Variants in SLC6A12 observed in about 807,000 individuals in gnomAD.
SLC6A12 encodes solute carrier family 6 member 12.
Under a neutral mutation model 73.3 loss-of-function variants are expected in SLC6A12, and 50 were observed. That is an observed-to-expected ratio of 0.68 (90% CI 0.54 to 0.86). The LOEUF (loss-of-function observed/expected upper bound fraction) is 0.86. Ranked by LOEUF, SLC6A12 falls within the 40% of genes least tolerant of loss-of-function variation. The probability of loss-of-function intolerance (pLI) is 0.00; values close to 1 mark genes in which losing one functional copy is unlikely to be tolerated. For missense variants in SLC6A12, 648 were observed against 772.8 expected, an observed-to-expected ratio of 0.84 and a Z score of 1.92; for synonymous variants, 304 against 309.2, an observed-to-expected ratio of 0.98 and a Z score of 0.18.
rs1334478756 is a variant in SLC6A12 at position 192,593 on chromosome 12, T to C, written c.1586A>G (p.Tyr529Cys). 4 of 1,613,938 alleles carry C rather than the reference T, an allele frequency of 2.5e-6. No homozygotes were observed. Among genetic ancestry groups the C allele is most frequent in the Admixed American group, 1.7e-5 (1 of 60,006 alleles). Residue 529 changes from tyrosine (Y) to cysteine (C), a missense_variant, in exon 15 of 16, where the codon TAT becomes TGT. Coordinates refer to ENST00000684302, the MANE Select transcript of SLC6A12 (RefSeq NM_001122848.3). Reference sequence around the variant, plus strand: ...GGAGTATCCCCAGGGCGGGTACACATAGACGTTGTTGTACTTGAGGGGGGT... The same window carrying C: ...GGAGTATCCCCAGGGCGGGTACACACAGACGTTGTTGTACTTGAGGGGGGT... ...KYTPLKYNNV[Y>C]VYPPWGYSIG...
rs1017845864 is a variant in SLC6A12 at position 198,812 on chromosome 12, G to T, written c.831C>A (p.Arg277=). Residue 277 remains arginine (R), a synonymous_variant, in exon 8 of 16, where the codon CGC becomes CGA. Coordinates refer to ENST00000684302, the MANE Select transcript of SLC6A12 (RefSeq NM_001122848.3). The surrounding 1 kb of genome is among the most constrained non-coding windows in gnomAD (Gnocchi z 4.0). ...IIYYLKPDLF[R]LKDPQVWMDA... ...CGGTACATACCTGAGGGTCCTTGAG[G>T]CGGAACAAATCTGGCTTCAAGTAGT... 1 of 1,614,226 alleles carries T rather than the reference G, an allele frequency of 6.2e-7. No homozygotes were observed. Among genetic ancestry groups the T allele is most frequent in the Non-Finnish European group, 8.5e-7 (1 of 1,180,038 alleles).
chr12:193,757 A>G (rs940800416), intron 13 of SLC6A12, among the ~76,000 whole-genome samples: 1 of 152,250 alleles, frequency 6.6e-6, no homozygotes, highest in Admixed American at 6.5e-5. Context: ...AAGCCAAAAC[A>G]GCAAAACAAC....
chr12:187,324 G>A (rs1939448627), downstream of SLC6A12, among the ~76,000 whole-genome samples: 1 of 152,012 alleles, frequency 6.6e-6, no homozygotes, highest in African/African-American at 2.4e-5. Flanking sequence ...TCCGGAGTTT[G>A]TTCCTTCTAA....
chr12:195,443 C>T (rs1413434808), intron 12 of SLC6A12, 116 bp from the exon 13 acceptor site: 5 of 691,468 alleles, frequency 7.2e-6, no homozygotes, highest in Non-Finnish European at 1.3e-5. Flanking sequence ...CTGTGGGATG[C>T]CATTCCTTGC....
At chr12:210,228 G>T in intron 2 of SLC6A12, 185 bp from the exon 3 acceptor site, 1 of 1,152,264 alleles carries the variant, frequency 8.7e-7, no homozygotes, top group Non-Finnish European at 1.2e-6. Context: ...GTTTGCAGAT[G>T]AGGAAATCCA....
chr12:209,890 C>G lies in SLC6A12; in HGVS notation c.97G>C (p.Val33Leu). The G allele has an allele frequency of 1.2e-6, 2 of 1,614,226 alleles. No homozygotes were observed. The highest frequency in any genetic ancestry group is 1.7e-6 in the Non-Finnish European group (2 of 1,180,042). ...TTGGTCCATTGGCCCCGATCCTTCA[C>G]CTGGTCCTCGTCTTCCTGGTCCAAC... ...EKLDQEDEDQ[V>L]KDRGQWTNKM... The change falls in exon 3 of 16, where the codon GTG (valine) becomes CTG (leucine). Residue 33 changes from valine to leucine, a missense_variant. Transcript: ENST00000684302.
intron 6 of SLC6A12, 63 bp downstream of exon 6, chr12:201,699 G>C: frequency 4.5e-6 from 6 of 1,320,302 alleles, no homozygotes; most frequent in Non-Finnish European, 6.6e-6. Context: ...CAGACATTCA[G>C]ACTTGCACAG....
intron 13 of SLC6A12, 44 bp from the exon 14 acceptor site, chr12:193,421 G>T: frequency 6.9e-7 from 1 of 1,449,036 alleles, no homozygotes; most frequent in East Asian, 2.3e-5. Flanking sequence ...CAGAGGGTGA[G>T]AACAGCTTCC....
At position 202,895 on chromosome 12, in the gene SLC6A12, G is replaced by A. The variant is rs755802072; in HGVS notation, c.350-15C>T. On this transcript the variant is annotated splice_polypyrimidine_tract_variant and intron_variant, in intron 4 of 15. Coordinates refer to ENST00000684302, the MANE Select transcript of SLC6A12 (RefSeq NM_001122848.3). ...CAGACCAATGCCTTCCAGAGTGGGG[G>A]AGAGATGGGGAGGGACAAGAGAGAT... The A allele has an allele frequency of 1.9e-6, 3 of 1,612,918 alleles. No homozygotes were observed. Among genetic ancestry groups the A allele is most frequent in the East Asian group, 2.2e-5 (1 of 44,878 alleles).
intron 13 of SLC6A12, among the ~76,000 whole-genome samples, chr12:193,776 C>G (rs1218482845): frequency 6.6e-6 from 1 of 152,164 alleles, no homozygotes; most frequent in Non-Finnish European, 1.5e-5. Context: ...ACAAGGCTCC[C>G]GCTGTTCAGA....
At chr12:187,353 G>GT (rs1462114630), downstream of SLC6A12, among the ~76,000 whole-genome samples, 4 of 152,022 alleles carry the variant, frequency 2.6e-5, no homozygotes, top group Admixed American at 6.5e-5. Flanking sequence ...TGTGTTCGGA[G>GT]TTTTTTCCTT....
intron 3 of SLC6A12, among the ~76,000 whole-genome samples, chr12:206,832 G>A (rs1319877563): frequency 6.6e-6 from 1 of 152,252 alleles, no homozygotes; most frequent in Non-Finnish European, 1.5e-5. Context: ...GGCCTCCCCA[G>A]AAGGCACTTT....
intron 5 of SLC6A12, among the ~76,000 whole-genome samples, chr12:202,153 G>A (rs893959121): frequency 6.6e-5 from 10 of 152,114 alleles, no homozygotes; most frequent in African/African-American, 1.2e-4. Context: ...CCGCTTGCCC[G>A]TTCTGACTTC....
chr12:212,590 G>A (rs922813687), intron 1 of SLC6A12, among the ~76,000 whole-genome samples: 7 of 151,916 alleles, frequency 4.6e-5, no homozygotes, highest in African/African-American at 1.2e-4. Flanking sequence ...AATCCAGAAC[G>A]GCAGAATGAA....
intron 3 of SLC6A12, among the ~76,000 whole-genome samples, chr12:205,869 T>C (rs1465204534): frequency 6.6e-6 from 1 of 152,240 alleles, no homozygotes; most frequent in Admixed American, 6.5e-5. Context: ...TGCTGCATAG[T>C]GTTCCACTCT....
Position 204,658 on chromosome 12 carries a change from GC to G in SLC6A12, c.254del (p.Cys85SerfsTer45). ...FIPYFIFFFV[C>X]GIPVFFLEVA... ...CCTCCAGGAAGAACACCGGGATGCCGCAGACAAAGAAGAAGATGAAGTAGGG... is the reference window on the plus strand; with the variant it reads ...CCTCCAGGAAGAACACCGGGATGCCGAGACAAAGAAGAAGATGAAGTAGGG... On this transcript the variant is annotated frameshift_variant, in exon 4 of 16. Transcript: ENST00000684302. LOFTEE classifies it high-confidence loss of function. The G allele has an allele frequency of 6.2e-7, 1 of 1,614,148 alleles. No individual in the cohort carries two copies. The highest frequency in any genetic ancestry group is 8.5e-7 in the Non-Finnish European group (1 of 1,179,998).
At chr12:197,068 T>C in intron 10 of SLC6A12, among the ~76,000 whole-genome samples, 186 bp from the exon 11 acceptor site, 1 of 152,072 alleles carries the variant, frequency 6.6e-6, no homozygotes, top group Non-Finnish European at 1.5e-5. Context: ...CATCCATCCA[T>C]CTACCCATCC....
chr12:196,391 A>T, intron 11 of SLC6A12, 130 bp from the exon 12 acceptor site: 2 of 1,181,622 alleles, frequency 1.7e-6, no homozygotes, highest in Non-Finnish European at 2.4e-6. Flanking sequence ...AAGGGAAGAA[A>T]TGGGGGTGCC....
intron 3 of SLC6A12, among the ~76,000 whole-genome samples, chr12:209,473 T>C (rs1364900344): frequency 6.6e-6 from 1 of 152,248 alleles, no homozygotes; most frequent in Non-Finnish European, 1.5e-5. Flanking sequence ...AATGAATGAC[T>C]GAATTCTATC....
Sources: allele counts gnomAD v4.1 joint callset (sites outside exome capture counted in the v4.1 genomes callset), GRCh38; gene constraint gnomAD v4.1.1; non-coding constraint Gnocchi (gnomAD v3.1); transcripts MANE v1.5; gene names NCBI Gene and HGNC (gene_info 2026-07-23, HGNC 2026-07-21).